CACNA2D1: variants seen among roughly 807,000 people sequenced by gnomAD.
The protein encoded by CACNA2D1 is calcium voltage-gated channel auxiliary subunit alpha2delta 1.
Under a neutral mutation model 171.5 loss-of-function variants are expected in CACNA2D1, and 53 were observed. The ratio of observed to expected loss-of-function variants is 0.31; its 90% CI spans 0.25 to 0.39. The LOEUF is 0.39. CACNA2D1 is among the 10% of genes least tolerant of loss of function. CACNA2D1 has a pLI of 1.00. For missense variants in CACNA2D1, 903 were observed against 1,299.8 expected (o/e 0.69, Z 4.69); for synonymous variants, 442 against 443.1 (o/e 1.00, Z 0.03).
intron 38 of CACNA2D1, among the ~76,000 whole-genome samples, chr7:81,953,750 G>C (rs1227223234): frequency 1.3e-5 from 2 of 151,924 alleles, no homozygotes; most frequent in Non-Finnish European, 2.9e-5. Context: ...TTATGATTAA[G>C]TGTTAATTTG....
Position 81,962,442 on chromosome 7 carries a change from G to A in CACNA2D1, c.2834C>T (p.Ala945Val). ...ACAAGGTCTGAGCATTTACATACCT[G>A]CCTCAAGGAGTCGTGGAAAGGTCAA... Reference protein sequence around the residue: ...LSLTFPRLLEAVEMEDDDFTA... With the variant: ...LSLTFPRLLEVVEMEDDDFTA... Residue 945 changes from alanine (A) to valine (V), a missense_variant and splice_region_variant, in exon 35 of 39, where the codon GCA becomes GTA. Physicochemically the swap from Ala to Val is moderately conservative, Grantham distance 64. Around this residue, in one of 5 missense-constraint regions of CACNA2D1, gnomAD observed 623 missense variants for 925.5 expected, o/e 0.67. Transcript: ENST00000356860. The A allele has an allele frequency of 6.2e-7, 1 of 1,603,506 alleles. No individual in the cohort carries two copies. The highest frequency in any genetic ancestry group is 8.5e-7 in the Non-Finnish European group (1 of 1,173,304).
chr7:82,035,937 T>C (rs1803242868), intron 11 of CACNA2D1, among the ~76,000 whole-genome samples: 2 of 152,166 alleles, frequency 1.3e-5, no homozygotes, highest in African/African-American at 4.8e-5. Context: ...TCACCACACA[T>C]TATTTCCCTT....
At chr7:81,993,896 A>G (rs552821316) in intron 20 of CACNA2D1, among the ~76,000 whole-genome samples, 1 of 152,226 alleles carries the variant, frequency 6.6e-6, no homozygotes, top group Admixed American at 6.5e-5. Context: ...CTGAGAAAAG[A>G]ATGTGCAAAA....
chr7:82,309,061 A>G (rs1814090565), intron 3 of CACNA2D1, among the ~76,000 whole-genome samples: 1 of 152,324 alleles, frequency 6.6e-6, no homozygotes, highest in South Asian at 2.1e-4. Context: ...TGTATATGTG[A>G]TATTTCTAAG....
chr7:82,255,257 G>A (rs1004112487), intron 3 of CACNA2D1, among the ~76,000 whole-genome samples: 1 of 152,030 alleles, frequency 6.6e-6, no homozygotes, highest in African/African-American at 2.4e-5. Context: ...CTAGTTCTCT[G>A]CATCTTATCA....
chr7:82,411,612 C>G (rs1035054829), intron 1 of CACNA2D1, among the ~76,000 whole-genome samples: 10 of 151,974 alleles, frequency 6.6e-5, no homozygotes, highest in South Asian at 4.1e-4. Flanking sequence ...ATCCAAGAAT[C>G]TAAAACCTCA....
chr7:82,421,915 A>G (rs901039720), intron 1 of CACNA2D1, among the ~76,000 whole-genome samples: 11 of 152,170 alleles, frequency 7.2e-5, no homozygotes, highest in African/African-American at 2.7e-4. Context: ...GATGCAATAA[A>G]TGTTTTGGTG....
chr7:82,384,601 TGAA>T (rs71093378), intron 1 of CACNA2D1, among the ~76,000 whole-genome samples: 22,631 of 150,372 alleles, frequency 0.15, 1,871 homozygotes, highest in Middle Eastern at 0.23. Flanking sequence ...AAAGGAGAAG[TGAA>T]GAAGAAGAAG....
At chr7:82,067,319 C>T (rs1807762710) in intron 7 of CACNA2D1, among the ~76,000 whole-genome samples, 1 of 152,136 alleles carries the variant, frequency 6.6e-6, no homozygotes, top group Admixed American at 6.5e-5. Context: ...AGTCCCCGTA[C>T]TTGGACATGT....
chr7:82,077,416 G>C (rs1809113650), intron 7 of CACNA2D1, among the ~76,000 whole-genome samples: 1 of 152,148 alleles, frequency 6.6e-6, no homozygotes, highest in South Asian at 2.1e-4. Flanking sequence ...TCCTAATAAA[G>C]AGCACAAGTA....
intron 6 of CACNA2D1, among the ~76,000 whole-genome samples, chr7:82,114,153 A>C (rs968911510): frequency 6.6e-6 from 1 of 152,198 alleles, no homozygotes; most frequent in Non-Finnish European, 1.5e-5. Flanking sequence ...TGTAAATTGT[A>C]GCATACTAAG....
intron 7 of CACNA2D1, among the ~76,000 whole-genome samples, chr7:82,077,532 C>T (rs1054588278): frequency 2.6e-5 from 4 of 152,090 alleles, no homozygotes; most frequent in African/African-American, 4.8e-5. Context: ...CCCCAGTCTA[C>T]GTTAACTCTG....
chr7:81,993,152 G>A (rs1324538392), intron 20 of CACNA2D1, among the ~76,000 whole-genome samples: 1 of 151,988 alleles, frequency 6.6e-6, no homozygotes, highest in Admixed American at 6.6e-5. Flanking sequence ...AATTTTTATA[G>A]AATAGTAAGA....
intron 10 of CACNA2D1, among the ~76,000 whole-genome samples, chr7:82,052,048 T>C (rs1264608457): frequency 2.0e-5 from 3 of 152,198 alleles, no homozygotes; most frequent in Non-Finnish European, 4.4e-5. Flanking sequence ...TGAAAGAAAC[T>C]TAGAAAAATA....
chr7:82,328,707 T>C (rs1053742970), intron 3 of CACNA2D1, among the ~76,000 whole-genome samples: 1 of 152,104 alleles, frequency 6.6e-6, no homozygotes, highest in Non-Finnish European at 1.5e-5. Context: ...GTCTCAAAAA[T>C]AGACAAGAAA....
chr7:82,282,476 T>A (rs922081317), intron 3 of CACNA2D1, among the ~76,000 whole-genome samples: 4 of 152,120 alleles, frequency 2.6e-5, no homozygotes, highest in Non-Finnish European at 4.4e-5. Flanking sequence ...GATCCATGGG[T>A]TGACCCCTTT....
chr7:82,167,857 A>G (rs915810184), intron 4 of CACNA2D1, among the ~76,000 whole-genome samples: 1 of 152,236 alleles, frequency 6.6e-6, no homozygotes, highest in East Asian at 1.9e-4. Flanking sequence ...AATTTCTTCA[A>G]GAATTCTCCC....
At chr7:81,981,766 A>T (rs1231546001) in intron 24 of CACNA2D1, among the ~76,000 whole-genome samples, 1 of 152,170 alleles carries the variant, frequency 6.6e-6, no homozygotes, top group Non-Finnish European at 1.5e-5. Flanking sequence ...ACTGAGATGG[A>T]GAAAAAGATG....
intron 18 of CACNA2D1, among the ~76,000 whole-genome samples, chr7:82,004,934 G>A (rs1798975276): frequency 1.3e-5 from 2 of 152,112 alleles, no homozygotes; most frequent in Non-Finnish European, 2.9e-5. Context: ...CCATCACATG[G>A]ATTTTACTTA....
Sources: gnomAD v4.1 joint callset for allele counts (sites outside exome capture counted in the v4.1 genomes callset) on GRCh38, gnomAD v4.1.1 for gene constraint, gnomAD v4.1.1 regional missense constraint, MANE v1.5 for transcripts, NCBI Gene and HGNC (gene_info 2026-07-23, HGNC 2026-07-21) for gene names.